The following WDR72 variants were observed in gnomAD, a reference collection of about 807,000 sequenced individuals.
The protein encoded by WDR72 is WD repeat domain 72, also known as WD repeat-containing protein 72.
Under a neutral mutation model 124.2 loss-of-function variants are expected in WDR72, and 120 were observed. That is an observed-to-expected ratio of 0.97 (90% confidence interval 0.83 to 1.12). WDR72 has a LOEUF of 1.12. Ranked by LOEUF, WDR72 falls within the 50% of genes most tolerant of loss-of-function variation. The pLI, the probability that WDR72 is intolerant of heterozygous loss-of-function variation, is 0.00. For missense variants in WDR72, 1,387 were observed against 1,278.8 expected (o/e 1.08, Z -1.29); for synonymous variants, 452 against 441.7 (o/e 1.02, Z -0.29).
intron 7 of WDR72, among the ~76,000 whole-genome samples, chr15:53,712,151 T>C (rs893549141): frequency 6.6e-6 from 1 of 152,206 alleles, no homozygotes; most frequent in African/African-American, 2.4e-5. Context: ...TTGAAAACAA[T>C]TTAGAGCTAA....
chr15:53,676,401 G>A (rs556175596), intron 13 of WDR72, among the ~76,000 whole-genome samples: 145 of 152,324 alleles, frequency 9.5e-4, no homozygotes, highest in African/African-American at 3.4e-3. Flanking sequence ...AATTTGATGA[G>A]CGCTTTGAAT....
chr15:53,620,285 T>C (rs1192052209), intron 14 of WDR72, among the ~76,000 whole-genome samples: 1 of 152,010 alleles, frequency 6.6e-6, no homozygotes, highest in Non-Finnish European at 1.5e-5. Flanking sequence ...ATGACATACA[T>C]ACATATGCCA....
At chr15:53,751,666 C>A (rs2140896176) in intron 1 of WDR72, among the ~76,000 whole-genome samples, 1 of 152,072 alleles carries the variant, frequency 6.6e-6, no homozygotes, top group Non-Finnish European at 1.5e-5. Context: ...AATCACAAAT[C>A]TTATACATTT....
chr15:53,761,967 C>T (rs567541070), upstream of WDR72, among the ~76,000 whole-genome samples: 1 of 152,088 alleles, frequency 6.6e-6, no homozygotes, highest in African/African-American at 2.4e-5. Flanking sequence ...AGACTAAGTA[C>T]CTAAACTGAA....
chr15:53,597,016 T>C (rs762649749), intron 18 of WDR72, 63 bp downstream of exon 18: 222 of 1,513,848 alleles, frequency 1.5e-4, no homozygotes, highest in Non-Finnish European at 1.8e-4. Context: ...CCACCATAAG[T>C]TGGAGACTAT....
intron 14 of WDR72, among the ~76,000 whole-genome samples, chr15:53,653,379 T>A (rs1034910232): frequency 6.6e-6 from 1 of 152,150 alleles, no homozygotes; most frequent in Non-Finnish European, 1.5e-5. Context: ...ATAAAAAGGA[T>A]GCTGAGAAAG....
At chr15:53,701,559 T>TCACACACACA (rs58047374) in intron 12 of WDR72, among the ~76,000 whole-genome samples, 3 of 120,102 alleles carry the variant, frequency 2.5e-5, no homozygotes, top group Admixed American at 9.6e-5. Flanking sequence ...TCTCTCTCTC[T>TCACACACACA]CACACACACA....
chr15:53,527,450 CA>C (rs1276777285), intron 18 of WDR72, among the ~76,000 whole-genome samples: 1 of 152,008 alleles, frequency 6.6e-6, no homozygotes, highest in Non-Finnish European at 1.5e-5. Context: ...TCCACGTCCA[CA>C]AACAGTGGCT....
At position 53,714,458 on chromosome 15, in the gene WDR72, A is replaced by G. The variant is rs1416366268; in HGVS notation, c.567T>C (p.Leu189=). ...CCTGAATGCTGTTGATAGATGAGGAAAGATCCCATACTTTGAGCTCACCAG... is the reference window on the plus strand; with the variant it reads ...CCTGAATGCTGTTGATAGATGAGGAGAGATCCCATACTTTGAGCTCACCAG... ...SVAGELKVWD[L]SSSINSIQEK... The change falls in exon 6 of 20, where the codon CTT becomes CTC. Residue 189 remains leucine, a synonymous_variant. Coordinates refer to ENST00000360509, the MANE Select transcript of WDR72 (RefSeq NM_182758.4). The G allele has an allele frequency of 2.0e-5, 32 of 1,614,012 alleles. No individual in the cohort carries two copies. The highest frequency in any genetic ancestry group is 2.7e-5 in the Non-Finnish European group (32 of 1,179,938).
intron 14 of WDR72, among the ~76,000 whole-genome samples, chr15:53,622,113 G>C (rs2014018741): frequency 6.6e-6 from 1 of 152,054 alleles, no homozygotes; most frequent in South Asian, 2.1e-4. Context: ...TTATTAAAAA[G>C]TCAAGAAACA....
At chr15:53,596,017 C>G (rs996240198) in intron 18 of WDR72, among the ~76,000 whole-genome samples, 2 of 152,026 alleles carry the variant, frequency 1.3e-5, no homozygotes, top group African/African-American at 4.8e-5. Flanking sequence ...ATAACACTCT[C>G]CAATCAGTAA....
intron 1 of WDR72, among the ~76,000 whole-genome samples, chr15:53,743,736 G>A (rs966398477): frequency 7.9e-5 from 12 of 152,100 alleles, no homozygotes; most frequent in African/African-American, 2.9e-4. Flanking sequence ...CAGCACTTTG[G>A]GAGGCCGAGA....
chr15:53,563,666 C>T (rs1053096288), intron 18 of WDR72, among the ~76,000 whole-genome samples: 10 of 151,596 alleles, frequency 6.6e-5, no homozygotes, highest in East Asian at 3.9e-4. Flanking sequence ...AGATGGAACA[C>T]AATTTTTAAG....
intron 1 of WDR72, 87 bp from the exon 2 acceptor site, chr15:53,733,248 A>C (rs140307974): frequency 7.0e-7 from 1 of 1,420,436 alleles, no homozygotes; most frequent in African/African-American, 1.4e-5. Context: ...ATTTATGATG[A>C]CCAAACTTCA....
At chr15:53,665,373 T>C (rs987523535) in intron 14 of WDR72, among the ~76,000 whole-genome samples, 199 bp downstream of exon 14, 1 of 152,202 alleles carries the variant, frequency 6.6e-6, no homozygotes, top group South Asian at 2.1e-4. Context: ...AGAACCTATT[T>C]TGTCAAAAAT....
intron 18 of WDR72, among the ~76,000 whole-genome samples, chr15:53,554,015 T>C (rs1030514677): frequency 6.6e-6 from 1 of 152,186 alleles, no homozygotes; most frequent in African/African-American, 2.4e-5. Flanking sequence ...ATAAATATCC[T>C]ATAATATGTC....
chr15:53,539,361 T>C (rs954340430), intron 18 of WDR72, among the ~76,000 whole-genome samples: 8 of 152,148 alleles, frequency 5.3e-5, no homozygotes, highest in South Asian at 4.1e-4. Flanking sequence ...AATATGGCTG[T>C]ATTCTCTGAC....
intron 14 of WDR72, among the ~76,000 whole-genome samples, chr15:53,617,303 G>A (rs1005013913): frequency 1.3e-5 from 2 of 151,448 alleles, no homozygotes; most frequent in African/African-American, 4.8e-5. Context: ...AATGAATAAA[G>A]TCACAAAGGA....
intron 18 of WDR72, among the ~76,000 whole-genome samples, chr15:53,570,492 ACATTACTAAC>A (rs1444419509): frequency 2.6e-5 from 4 of 152,066 alleles, no homozygotes; most frequent in Non-Finnish European, 5.9e-5. Flanking sequence ...AAAATGCTCA[ACATTACTAAC>A]CATCAGAGAT....
Sources: gnomAD v4.1 joint callset for allele counts (sites outside exome capture counted in the v4.1 genomes callset) on GRCh38, gnomAD v4.1.1 for gene constraint, MANE v1.5 for transcripts, NCBI Gene and HGNC (gene_info 2026-07-23, HGNC 2026-07-21) for gene names.